Variants in CTNNA2 observed in about 807,000 individuals in gnomAD.
CTNNA2 encodes the protein catenin alpha 2.
A neutral mutation model predicts 101.0 loss-of-function variants in CTNNA2; 42 were observed. The observed-to-expected ratio is 0.42, with a 90% CI of 0.32 to 0.54. The LOEUF is 0.54. Among genes scored for constraint, CTNNA2 ranks in the 20% least tolerant of loss-of-function variants. The pLI is 0.14. For missense variants in CTNNA2, 871 were observed against 1,223.1 expected, an observed-to-expected ratio of 0.71 and a Z score of 4.29; for synonymous variants, 450 against 456.4, an observed-to-expected ratio of 0.99 and a Z score of 0.18.
chr2:79,323,116 G>A (rs995450923), intron 3 of CTNNA2, among the ~76,000 whole-genome samples: 1 of 152,096 alleles, frequency 6.6e-6, no homozygotes, highest in Non-Finnish European at 1.5e-5. Context: ...GTATGTTTAG[G>A]CTCTTCCATG....
At chr2:79,552,237 T>C (rs1157790274) in intron 1 of CTNNA2, among the ~76,000 whole-genome samples, 1 of 152,180 alleles carries the variant, frequency 6.6e-6, no homozygotes, top group Non-Finnish European at 1.5e-5. Flanking sequence ...ACAGGCCCCA[T>C]GCAAGTCTGA....
rs1482193760 is a variant in CTNNA2, at chr2:80,334,264, A to G, written c.1057-58947A>G. ...TTCTGTTTAAAATTCACATATAATC[A>G]TGCTACTTCTCTGTGTATGATGAGT... On this transcript the variant is annotated intron_variant, in intron 7 of 18. Transcript: ENST00000402739. Among the ~76,000 whole-genome samples the G allele has an allele frequency of 2.6e-5, 4 of 152,100 alleles. No individual in the cohort carries two copies. In the East Asian group the frequency reaches 5.8e-4, roughly 22 times the overall value.
At chr2:79,913,918 A>G (rs1223437083) in intron 7 of CTNNA2, among the ~76,000 whole-genome samples, 1 of 151,500 alleles carries the variant, frequency 6.6e-6, no homozygotes, top group African/African-American at 2.4e-5. Flanking sequence ...CTGTAATCCC[A>G]GCACTTTGGG....
intron 7 of CTNNA2, among the ~76,000 whole-genome samples, chr2:80,144,014 A>T (rs1423093379): frequency 6.6e-6 from 1 of 152,166 alleles, no homozygotes; most frequent in Non-Finnish European, 1.5e-5. Flanking sequence ...AATTAATGAG[A>T]CTAAGTCCAA....
chr2:79,703,412 A>G (rs1000102789), intron 2 of CTNNA2, among the ~76,000 whole-genome samples: 1 of 152,152 alleles, frequency 6.6e-6, no homozygotes, highest in Non-Finnish European at 1.5e-5. Context: ...GCATTTCTGA[A>G]CATTTTCTTA....
intron 4 of CTNNA2, among the ~76,000 whole-genome samples, chr2:79,490,610 G>C (rs1671198726): frequency 6.6e-6 from 1 of 152,146 alleles, no homozygotes; most frequent in African/African-American, 2.4e-5. Flanking sequence ...TTTCAAGAAA[G>C]AGTTATTACA....
rs1465307306 is a variant in CTNNA2 at position 79,338,007 on chromosome 2, A to G, written c.-318+25211A>G. Among the ~76,000 whole-genome samples, 6 of 151,942 alleles carry G rather than the reference A, an allele frequency of 3.9e-5. No individual in the cohort carries two copies. In the South Asian group the frequency reaches 1.0e-3, roughly 26 times the overall value. On this transcript the variant is annotated intron_variant, in intron 3 of 21. Transcript: ENST00000466387. Reference sequence around the variant, plus strand: ...ATGCTTGTAAACCTAGCACTTTAGGAGGCTGAGGCAGGTGGATCACCTGAG... The same window carrying G: ...ATGCTTGTAAACCTAGCACTTTAGGGGGCTGAGGCAGGTGGATCACCTGAG...
At chr2:79,505,717 G>A (rs1416976215) in intron 5 of CTNNA2, among the ~76,000 whole-genome samples, 1 of 152,202 alleles carries the variant, frequency 6.6e-6, no homozygotes, top group African/African-American at 2.4e-5. Context: ...ATGGAAAGGT[G>A]TACAGTTGTT....
intron 9 of CTNNA2, among the ~76,000 whole-genome samples, chr2:80,516,224 A>G (rs949463916): frequency 2.0e-5 from 3 of 152,200 alleles, no homozygotes; most frequent in Admixed American, 2.0e-4. Context: ...TGGCCACCTC[A>G]TGCCATGAAT....
At chr2:79,630,820 C>T (rs567896100) in intron 1 of CTNNA2, among the ~76,000 whole-genome samples, 46 of 150,926 alleles carry the variant, frequency 3.0e-4, no homozygotes, top group African/African-American at 1.0e-3. Flanking sequence ...GGTGGGCCTA[C>T]AAATTATTTC....
intron 7 of CTNNA2, among the ~76,000 whole-genome samples, chr2:80,270,249 C>T (rs776233328): frequency 6.6e-6 from 1 of 152,168 alleles, no homozygotes; most frequent in Non-Finnish European, 1.5e-5. Flanking sequence ...GTTTTCTTTG[C>T]TCAGCCCAAA....
chr2:79,710,041 G>T (rs1037298497), intron 2 of CTNNA2, among the ~76,000 whole-genome samples: 1 of 152,038 alleles, frequency 6.6e-6, no homozygotes, highest in African/African-American at 2.4e-5. Flanking sequence ...AGCTTGGTGA[G>T]GAAAAATCCC....
chr2:80,449,003 A>G (rs1017699637), intron 9 of CTNNA2, among the ~76,000 whole-genome samples: 1 of 152,192 alleles, frequency 6.6e-6, no homozygotes, highest in Non-Finnish European at 1.5e-5. Flanking sequence ...CATGCTTTCT[A>G]AGGCATAGTC....
intron 4 of CTNNA2, among the ~76,000 whole-genome samples, chr2:79,385,694 C>A (rs1249342218): frequency 6.6e-6 from 1 of 151,852 alleles, no homozygotes; most frequent in East Asian, 1.9e-4. Context: ...GCCCACCACC[C>A]CCCAACAGGC....
intron 7 of CTNNA2, among the ~76,000 whole-genome samples, chr2:80,032,125 C>T (rs537709035): frequency 1.3e-5 from 2 of 152,158 alleles, no homozygotes; most frequent in African/African-American, 4.8e-5. Flanking sequence ...TATAAGGAGA[C>T]CAAGGCTAAG....
At chr2:79,297,507 C>G (rs557743577) in intron 2 of CTNNA2, among the ~76,000 whole-genome samples, 1 of 152,278 alleles carries the variant, frequency 6.6e-6, no homozygotes, top group South Asian at 2.1e-4. Flanking sequence ...CTTGGCTTTA[C>G]TTTCTCATAT....
intron 2 of CTNNA2, among the ~76,000 whole-genome samples, chr2:79,705,303 A>G (rs6738834): frequency 0.67 from 102,439 of 152,074 alleles, 35,032 homozygotes; most frequent in East Asian, 0.93. Flanking sequence ...GTATTTTGAG[A>G]AAGAGAGAGC....
intron 3 of CTNNA2, among the ~76,000 whole-genome samples, chr2:79,756,213 A>G (rs959178795): frequency 1.3e-5 from 2 of 152,190 alleles, no homozygotes; most frequent in African/African-American, 4.8e-5. Flanking sequence ...AATAACAGCA[A>G]CAATAGCAAT....
At chr2:80,396,143 T>C (rs1677990808) in intron 8 of CTNNA2, among the ~76,000 whole-genome samples, 1 of 152,156 alleles carries the variant, frequency 6.6e-6, no homozygotes, top group Admixed American at 6.5e-5. Context: ...GATTTTGGTT[T>C]AAGTGGAATT....
Sources: gnomAD v4.1 joint callset for allele counts (sites outside exome capture counted in the v4.1 genomes callset) on GRCh38, gnomAD v4.1.1 for gene constraint, MANE v1.5 for transcripts, NCBI Gene and HGNC (gene_info 2026-07-23, HGNC 2026-07-21) for gene names.